PALMD: variants seen among roughly 807,000 people sequenced by gnomAD.
The protein encoded by PALMD is paralemmin-like protein.
In PALMD, 42 loss-of-function variants were observed where a neutral mutation model predicts 56.2. That is an observed-to-expected ratio of 0.75 (90% CI 0.58 to 0.97). The LOEUF (loss-of-function observed/expected upper bound fraction) is 0.97. PALMD is among the 50% of genes least tolerant of loss of function. The pLI is 0.00. For missense variants in PALMD, 660 were observed against 643.8 expected, an observed-to-expected ratio of 1.03 and a Z score of -0.27; for synonymous variants, 242 against 222.9, an observed-to-expected ratio of 1.09 and a Z score of -0.76.
At chr1:99,647,873 G>A (rs115892290) in intron 1 of PALMD, among the ~76,000 whole-genome samples, 1 of 152,202 alleles carries the variant, frequency 6.6e-6, no homozygotes, top group East Asian at 1.9e-4. Context: ...TTTCCCTCCA[G>A]TGTACCTTAT....
At chr1:99,675,416 A>G (rs1181211243) in intron 3 of PALMD, among the ~76,000 whole-genome samples, 1 of 152,216 alleles carries the variant, frequency 6.6e-6, no homozygotes, top group Non-Finnish European at 1.5e-5. Context: ...GCTTACCAGA[A>G]TCATGGATAA....
At chr1:99,659,168 C>T (rs1652792414) in intron 1 of PALMD, among the ~76,000 whole-genome samples, 2 of 152,188 alleles carry the variant, frequency 1.3e-5, no homozygotes, top group South Asian at 2.1e-4. Flanking sequence ...CTTACTTATA[C>T]TCTTAAGCAT....
At chr1:99,657,769 C>T (rs988926966) in intron 1 of PALMD, among the ~76,000 whole-genome samples, 2 of 152,158 alleles carry the variant, frequency 1.3e-5, no homozygotes, top group African/African-American at 4.8e-5. Context: ...AGATTCCAGA[C>T]TTGCTGTTCT....
chr1:99,650,396 A>G (rs895929321), intron 1 of PALMD, among the ~76,000 whole-genome samples: 3 of 151,690 alleles, frequency 2.0e-5, no homozygotes, highest in African/African-American at 7.3e-5. Context: ...TTGACTTGTA[A>G]ATATAGGAAT....
At chr1:99,693,979 AT>A (rs776843358) in intron 7 of PALMD, 39 bp from the exon 8 acceptor site, 19 of 1,479,654 alleles carry the variant, frequency 1.3e-5, no homozygotes, top group Admixed American at 5.7e-5. Context: ...AAAATTGAGG[AT>A]TTTTTTTATA....
chr1:99,678,206 C>T (rs1316598645), intron 3 of PALMD, among the ~76,000 whole-genome samples: 2 of 151,554 alleles, frequency 1.3e-5, no homozygotes, highest in Non-Finnish European at 2.9e-5. Flanking sequence ...CAGATTCAAG[C>T]GATTCTCCTG....
intron 7 of PALMD, among the ~76,000 whole-genome samples, chr1:99,691,098 T>C (rs1483861079): frequency 6.6e-6 from 1 of 152,144 alleles, no homozygotes; most frequent in Non-Finnish European, 1.5e-5. Context: ...TTGAGTGATA[T>C]GTCTCACAAT....
At chr1:99,650,718 C>A (rs1254853081) in intron 1 of PALMD, among the ~76,000 whole-genome samples, 2 of 152,138 alleles carry the variant, frequency 1.3e-5, no homozygotes, top group African/African-American at 4.8e-5. Flanking sequence ...GACAACAGAG[C>A]TTTGATCTAA....
chr1:99,665,325 T>C (rs1308911433), intron 2 of PALMD, among the ~76,000 whole-genome samples: 1 of 152,166 alleles, frequency 6.6e-6, no homozygotes, highest in Non-Finnish European at 1.5e-5. Flanking sequence ...GATTTTATTA[T>C]ACTCATTAGC....
intron 7 of PALMD, among the ~76,000 whole-genome samples, chr1:99,690,657 C>A (rs1031741629): frequency 6.6e-6 from 1 of 152,024 alleles, no homozygotes; most frequent in Non-Finnish European, 1.5e-5. Flanking sequence ...TTCTAGTTAT[C>A]ATTTATAAAG....
chr1:99,671,856 C>T (rs1653096034), intron 3 of PALMD, among the ~76,000 whole-genome samples: 1 of 152,092 alleles, frequency 6.6e-6, no homozygotes, highest in Non-Finnish European at 1.5e-5. Flanking sequence ...GGCTAACTCA[C>T]CCTAAGTCAT....
chr1:99,672,544 C>G (rs1178300421), intron 3 of PALMD, among the ~76,000 whole-genome samples: 1 of 152,110 alleles, frequency 6.6e-6, no homozygotes, highest in East Asian at 1.9e-4. Context: ...AATGACACCC[C>G]CAGTAAGTCT....
At chr1:99,652,977 A>G (rs1332970677) in intron 1 of PALMD, among the ~76,000 whole-genome samples, 7 of 152,162 alleles carry the variant, frequency 4.6e-5, no homozygotes, top group Non-Finnish European at 1.0e-4. Flanking sequence ...GGTTTGGAAC[A>G]GAATCAAAGT....
intron 1 of PALMD, among the ~76,000 whole-genome samples, chr1:99,658,778 A>G (rs767536200): frequency 6.6e-6 from 1 of 151,846 alleles, no homozygotes; most frequent in African/African-American, 2.4e-5. Context: ...CTCAAAAAAA[A>G]AATTAAAAAA....
At chr1:99,647,905 T>G (rs565781169) in intron 1 of PALMD, among the ~76,000 whole-genome samples, 1 of 152,218 alleles carries the variant, frequency 6.6e-6, no homozygotes. Flanking sequence ...AAGCCACACA[T>G]GTTCCAAAGA....
intron 1 of PALMD, among the ~76,000 whole-genome samples, chr1:99,657,168 C>T (rs1423785516): frequency 1.3e-5 from 2 of 152,154 alleles, no homozygotes; most frequent in South Asian, 2.1e-4. Flanking sequence ...ACTCACACAT[C>T]TTTATCTCTA....
At chr1:99,677,105 A>T (rs934271947) in intron 3 of PALMD, among the ~76,000 whole-genome samples, 6 of 152,186 alleles carry the variant, frequency 3.9e-5, no homozygotes, top group Non-Finnish European at 7.3e-5. Context: ...GCCAGCTGTC[A>T]ACACATATCA....
intron 3 of PALMD, among the ~76,000 whole-genome samples, chr1:99,682,423 G>A (rs1403839588): frequency 6.6e-6 from 1 of 152,126 alleles, no homozygotes; most frequent in East Asian, 1.9e-4. Context: ...TGTATTGTGA[G>A]ACCACAGCGA....
intron 1 of PALMD, among the ~76,000 whole-genome samples, chr1:99,659,740 G>C (rs1365066144): frequency 1.3e-5 from 2 of 152,174 alleles, no homozygotes; most frequent in Non-Finnish European, 2.9e-5. Context: ...CAATAACTCT[G>C]CTGATGAATA....
Sources: allele counts gnomAD v4.1 joint callset (sites outside exome capture counted in the v4.1 genomes callset), GRCh38; gene constraint gnomAD v4.1.1; transcripts MANE v1.5; gene names NCBI Gene and HGNC (gene_info 2026-07-23, HGNC 2026-07-21).